Variants in DLG2 observed in about 807,000 individuals in gnomAD.
DLG2 encodes discs large MAGUK scaffold protein 2, also known as disks large homolog 2.
Under a neutral mutation model 132.5 loss-of-function variants are expected in DLG2, and 45 were observed. The observed-to-expected ratio is 0.34, with a 90% CI of 0.27 to 0.44. The LOEUF is 0.44. Among genes scored for constraint, DLG2 ranks in the 20% least tolerant of loss-of-function variants. DLG2 has a pLI of 1.00. For synonymous variants in DLG2, 424 were observed against 419.6 expected (o/e 1.01, Z -0.13); for missense variants, 1,045 against 1,196.9 (o/e 0.87, Z 1.87).
intron 21 of DLG2, among the ~76,000 whole-genome samples, chr11:83,508,870 G>C (rs984730135): frequency 6.6e-6 from 1 of 152,210 alleles, no homozygotes; most frequent in South Asian, 2.1e-4. Context: ...TTTCGGTTTG[G>C]ATTCTTCCAG....
intron 3 of DLG2, among the ~76,000 whole-genome samples, chr11:85,519,933 C>A (rs1231926935): frequency 6.6e-6 from 1 of 152,144 alleles, no homozygotes; most frequent in East Asian, 1.9e-4. Flanking sequence ...TGTGAGGCCT[C>A]CCCAGCCACG....
chr11:84,667,939 T>C (rs184948215), intron 6 of DLG2, among the ~76,000 whole-genome samples: 1 of 152,248 alleles, frequency 6.6e-6, no homozygotes, highest in East Asian at 1.9e-4. Flanking sequence ...TATTATTTAA[T>C]AATTGAGCAA....
chr11:84,399,305 C>G (rs2098821547), intron 7 of DLG2, among the ~76,000 whole-genome samples: 1 of 152,050 alleles, frequency 6.6e-6, no homozygotes, highest in South Asian at 2.1e-4. Flanking sequence ...ATCTCATAGC[C>G]CTTTGTAGAC....
chr11:83,994,777 A>T (rs2093933553), intron 11 of DLG2, among the ~76,000 whole-genome samples: 1 of 152,142 alleles, frequency 6.6e-6, no homozygotes, highest in Non-Finnish European at 1.5e-5. Flanking sequence ...AAAGTTCTGC[A>T]GGCTAGAAGA....
intron 3 of DLG2, among the ~76,000 whole-genome samples, chr11:85,448,415 A>G (rs1365059985): frequency 6.6e-6 from 1 of 152,140 alleles, no homozygotes; most frequent in Non-Finnish European, 1.5e-5. Flanking sequence ...CAGACACCAA[A>G]AATCTGCCCT....
chr11:84,251,466 C>T (rs1247499127), intron 7 of DLG2, among the ~76,000 whole-genome samples, 175 bp from the exon 8 acceptor site: 1 of 152,084 alleles, frequency 6.6e-6, no homozygotes, highest in African/African-American at 2.4e-5. Flanking sequence ...TACCTTCCCC[C>T]AACTCAAATA....
intron 9 of DLG2, among the ~76,000 whole-genome samples, chr11:84,152,476 T>C (rs1378741569): frequency 4.0e-5 from 6 of 151,474 alleles, no homozygotes; most frequent in African/African-American, 1.5e-4. Context: ...AAGCTCCACC[T>C]CCTGGGTTCA....
intron 7 of DLG2, among the ~76,000 whole-genome samples, chr11:84,321,740 G>C (rs1333585169): frequency 6.6e-6 from 1 of 152,154 alleles, no homozygotes; most frequent in African/African-American, 2.4e-5. Flanking sequence ...ATGCAACACA[G>C]CTCCAAAATA....
At chr11:83,466,510 TAAAAAAAG>T in intron 26 of DLG2, among the ~76,000 whole-genome samples, 190 bp downstream of exon 26, 1 of 152,278 alleles carries the variant, frequency 6.6e-6, no homozygotes, top group East Asian at 1.9e-4. Flanking sequence ...TGAGGGATGT[TAAAAAAAG>T]AAATCACTGA....
intron 17 of DLG2, among the ~76,000 whole-genome samples, chr11:83,808,938 C>G (rs1345189190): frequency 6.6e-6 from 1 of 152,070 alleles, no homozygotes; most frequent in African/African-American, 2.4e-5. Flanking sequence ...CCCTTCACTT[C>G]TTCCTTCCTT....
chr11:83,887,573 G>C, intron 15 of DLG2, among the ~76,000 whole-genome samples: 1 of 152,012 alleles, frequency 6.6e-6, no homozygotes, highest in Non-Finnish European at 1.5e-5. Flanking sequence ...AATAGAAAAA[G>C]AGGGAATCCT....
intron 3 of DLG2, among the ~76,000 whole-genome samples, chr11:85,591,914 C>T (rs879869145): frequency 2.6e-5 from 4 of 152,144 alleles, no homozygotes; most frequent in Non-Finnish European, 4.4e-5. Flanking sequence ...ATCCTGTGAA[C>T]GAATTAATGT....
intron 3 of DLG2, among the ~76,000 whole-genome samples, chr11:85,318,439 G>GA (rs927495035): frequency 4.4e-4 from 66 of 151,268 alleles, no homozygotes; most frequent in African/African-American, 1.5e-3. Flanking sequence ...TTAATGAGTA[G>GA]AAAAAAAAGG....
Position 83,958,322 on chromosome 11 carries a change from C to T in DLG2, c.1340+4563G>A, listed in dbSNP as rs559901641. Among the ~76,000 whole-genome samples the T allele has an allele frequency of 5.3e-5, 8 of 152,252 alleles. No individual in the cohort carries two copies. The East Asian group carries it at 1.5e-3, about 29-fold the overall frequency. Reference sequence around the variant, plus strand: ...GTCAAACTGGTGAATATTAGAGTTACAGTTTGGGGCAGTTCTTGTAAAGTG... The same window carrying T: ...GTCAAACTGGTGAATATTAGAGTTATAGTTTGGGGCAGTTCTTGTAAAGTG... On this transcript the variant is annotated intron_variant, in intron 14 of 27. Transcript: ENST00000376104.
chr11:83,990,792 G>A lies in DLG2; in HGVS notation c.920-10150C>T, dbSNP rs1184029078. 3.3e-5 allele frequency among the ~76,000 whole-genome samples: 5 copies of A among 152,232 alleles called. No individual in the cohort carries two copies. The South Asian group carries it at 1.0e-3, about 32-fold the overall frequency. The stretch of plus-strand genomic sequence containing the variant: ...TATTAAGCATACTGGTCCTGTCAGA[G>A]TTTATTTAGGATCTGCTAGGTAAGG... On this transcript the variant is annotated intron_variant, in intron 11 of 27. Coordinates refer to ENST00000376104, the MANE Select transcript of DLG2 (RefSeq NM_001142699.3).
intron 6 of DLG2, among the ~76,000 whole-genome samples, chr11:85,091,200 T>C (rs1214926978): frequency 1.3e-5 from 2 of 152,220 alleles, no homozygotes; most frequent in African/African-American, 2.4e-5. Context: ...CCAGTGCATA[T>C]AAAAGTTACA....
intron 4 of DLG2, among the ~76,000 whole-genome samples, chr11:85,256,784 T>TA (rs1014345063): frequency 1.5e-4 from 23 of 151,898 alleles, no homozygotes; most frequent in African/African-American, 3.9e-4. Flanking sequence ...CTTTGGCCAT[T>TA]AAAAAAAAGT....
intron 3 of DLG2, among the ~76,000 whole-genome samples, chr11:85,353,376 T>C (rs1474064189): frequency 6.6e-6 from 1 of 152,156 alleles, no homozygotes; most frequent in Non-Finnish European, 1.5e-5. Flanking sequence ...AGGAATGCTT[T>C]TACACTGTTG....
intron 3 of DLG2, among the ~76,000 whole-genome samples, chr11:85,330,792 T>TAAAAAAAAAAAAAAAAA (rs56995757): frequency 7.7e-5 from 9 of 116,490 alleles, no homozygotes; most frequent in Non-Finnish European, 1.1e-4. Flanking sequence ...AAAAAAAAAT[T>TAAAAAAAAAAAAAAAAA]AAAAAAAAAA....
Sources: allele counts gnomAD v4.1 joint callset (sites outside exome capture counted in the v4.1 genomes callset), GRCh38; gene constraint gnomAD v4.1.1; transcripts MANE v1.5; gene names NCBI Gene and HGNC (gene_info 2026-07-23, HGNC 2026-07-21).